ATG7: variants seen among roughly 807,000 people sequenced by gnomAD.
The protein encoded by ATG7 is autophagy related 7.
Under a neutral mutation model 82.4 loss-of-function variants are expected in ATG7, and 70 were observed. The observed-to-expected ratio is 0.85, with a 90% confidence interval of 0.70 to 1.04. The LOEUF (loss-of-function observed/expected upper bound fraction) is 1.04. ATG7 is among the 50% of genes least tolerant of loss of function. The pLI is 0.00. For missense variants in ATG7, 792 were observed against 864.3 expected, an observed-to-expected ratio of 0.92 and a Z score of 1.05; for synonymous variants, 287 against 313.0, an observed-to-expected ratio of 0.92 and a Z score of 0.88.
intron 19 of ATG7, among the ~76,000 whole-genome samples, chr3:11,395,676 C>G (rs923557191): frequency 2.0e-5 from 3 of 152,194 alleles, no homozygotes; most frequent in Non-Finnish European, 4.4e-5. Flanking sequence ...TGCAGTGGCT[C>G]ACGCCTGTAA....
At chr3:11,402,612 G>A (rs1189577429) in intron 19 of ATG7, among the ~76,000 whole-genome samples, 4 of 152,086 alleles carry the variant, frequency 2.6e-5, no homozygotes, top group South Asian at 4.2e-4. Flanking sequence ...CACCAGCCCC[G>A]TGAAAGTCAA....
intron 20 of ATG7, among the ~76,000 whole-genome samples, chr3:11,480,977 A>G (rs1458768264): frequency 3.3e-5 from 5 of 152,276 alleles, no homozygotes; most frequent in African/African-American, 1.2e-4. Flanking sequence ...TAAACAAGTC[A>G]TAAATTACTC....
chr3:11,498,679 G>A (rs966834370), intron 20 of ATG7, among the ~76,000 whole-genome samples: 1 of 152,184 alleles, frequency 6.6e-6, no homozygotes, highest in South Asian at 2.1e-4. Flanking sequence ...CTCCAGAAGA[G>A]GCTGTGTTAA....
At chr3:11,374,354 T>C (rs1333514797) in intron 18 of ATG7, among the ~76,000 whole-genome samples, 1 of 152,160 alleles carries the variant, frequency 6.6e-6, no homozygotes, top group Non-Finnish European at 1.5e-5. Context: ...TTTCAACAAA[T>C]AGTATGGAGA....
intron 20 of ATG7, among the ~76,000 whole-genome samples, chr3:11,433,865 G>A (rs1333840557): frequency 6.6e-6 from 1 of 152,144 alleles, no homozygotes; most frequent in Non-Finnish European, 1.5e-5. Flanking sequence ...TAAAAAGAAA[G>A]CAACAACCAT....
intron 11 of ATG7, among the ~76,000 whole-genome samples, chr3:11,335,085 A>C (rs4684065): frequency 0.21 from 31,312 of 151,894 alleles, 3,633 homozygotes; most frequent in South Asian, 0.35. Flanking sequence ...TCTTTACACA[A>C]TTCGCTGAAA....
chr3:11,486,266 A>G (rs1381433417), intron 20 of ATG7, among the ~76,000 whole-genome samples: 2 of 152,116 alleles, frequency 1.3e-5, no homozygotes, highest in African/African-American at 4.8e-5. Context: ...CTTCCCTTGT[A>G]AGTTGGATTC....
chr3:11,531,348 T>G (rs2092690061), intron 20 of ATG7, among the ~76,000 whole-genome samples: 1 of 152,162 alleles, frequency 6.6e-6, no homozygotes, highest in Admixed American at 6.5e-5. Context: ...AACAGGTCAC[T>G]TAATGCTTGG....
At chr3:11,435,173 G>A (rs1227868220) in intron 20 of ATG7, among the ~76,000 whole-genome samples, 1 of 152,120 alleles carries the variant, frequency 6.6e-6, no homozygotes, top group East Asian at 1.9e-4. Flanking sequence ...ATATTCTTTG[G>A]TATCTATTAT....
rs181443836 is a variant in ATG7 at position 11,496,295 on chromosome 3, C to A, written c.2080-58516C>A. The stretch of plus-strand genomic sequence containing the variant: ...CGGTGCTTTTGGGTCACTTCCTAAT[C>A]CCTGAATGGGTTCGCTGACCTGTAA... On this transcript the variant is annotated intron_variant, in intron 20 of 20. Coordinates refer to ENST00000693202, the MANE Select transcript of ATG7 (RefSeq NM_001349232.2). Among the ~76,000 whole-genome samples the A allele has an allele frequency of 3.4e-4, 52 of 152,330 alleles. 1 individual carries two copies. In the East Asian group the frequency reaches 9.8e-3, roughly 29 times the overall value.
At chr3:11,348,954 C>T (rs951977683) in intron 14 of ATG7, among the ~76,000 whole-genome samples, 4 of 151,758 alleles carry the variant, frequency 2.6e-5, no homozygotes, top group Non-Finnish European at 5.9e-5. Context: ...CGTTTACAAT[C>T]CTCCAGCTAG....
At chr3:11,485,124 C>A (rs889680445) in intron 20 of ATG7, among the ~76,000 whole-genome samples, 1 of 152,210 alleles carries the variant, frequency 6.6e-6, no homozygotes, top group African/African-American at 2.4e-5. Flanking sequence ...ACCACACTGA[C>A]TTCCACAAGG....
intron 20 of ATG7, among the ~76,000 whole-genome samples, chr3:11,470,205 C>G (rs1054058905): frequency 6.6e-6 from 1 of 152,082 alleles, no homozygotes; most frequent in African/African-American, 2.4e-5. Context: ...AGTGTGGCAC[C>G]TCTGTAGTCA....
intron 1 of ATG7, among the ~76,000 whole-genome samples, chr3:11,274,776 CGAGGTGATATGTTACT>C (rs1287062091): frequency 6.6e-6 from 1 of 151,780 alleles, no homozygotes; most frequent in African/African-American, 2.4e-5. Context: ...AAAAACTGTA[CGAGGTGATATGTTACT>C]CACTTGACAC....
At chr3:11,524,823 G>T (rs1321758080) in intron 20 of ATG7, among the ~76,000 whole-genome samples, 1 of 151,914 alleles carries the variant, frequency 6.6e-6, no homozygotes. Flanking sequence ...AACAAAACAG[G>T]CATTCTGAGT....
At chr3:11,488,251 G>A (rs1204761659) in intron 20 of ATG7, 23 of 243,868 alleles carry the variant, frequency 9.4e-5, no homozygotes, top group African/African-American at 2.2e-4. Context: ...GGTGGCGGCC[G>A]GGCAGAGGCT....
intron 20 of ATG7, among the ~76,000 whole-genome samples, chr3:11,515,297 C>CGTGTGTGTGTAT (rs11276590): frequency 0.83 from 125,476 of 151,274 alleles, 52,173 homozygotes; most frequent in East Asian, 0.93. Context: ...GTCTCTTGCG[C>CGTGTGTGTGTAT]GTGTGTGTGT....
intron 9 of ATG7, among the ~76,000 whole-genome samples, chr3:11,319,123 T>C (rs1024568897): frequency 1.2e-4 from 19 of 152,220 alleles, no homozygotes; most frequent in African/African-American, 4.3e-4. Flanking sequence ...GAGAGAGAAT[T>C]GTGGACTGGT....
chr3:11,443,482 C>T (rs2152972872), intron 20 of ATG7, among the ~76,000 whole-genome samples: 1 of 152,282 alleles, frequency 6.6e-6, no homozygotes, highest in Non-Finnish European at 1.5e-5. Context: ...ACCTTCCAAG[C>T]TCAAGTGATC....
Sources: gnomAD v4.1 joint callset for allele counts (sites outside exome capture counted in the v4.1 genomes callset) on GRCh38, gnomAD v4.1.1 for gene constraint, MANE v1.5 for transcripts, NCBI Gene and HGNC (gene_info 2026-07-23, HGNC 2026-07-21) for gene names.